IL17RD: variants seen among roughly 807,000 people sequenced by gnomAD.
The protein encoded by IL17RD is interleukin-17 receptor D.
A neutral mutation model predicts 80.5 loss-of-function variants in IL17RD; 52 were observed. The ratio of observed to expected loss-of-function variants is 0.65; its 90% CI spans 0.52 to 0.81. The LOEUF is 0.81. IL17RD is among the 40% of genes least tolerant of loss of function. IL17RD has a pLI of 0.00. For synonymous variants in IL17RD, 416 were observed against 391.8 expected (o/e 1.06, Z -0.73); for missense variants, 1,024 against 955.1 (o/e 1.07, Z -0.95).
At chr3:57,163,445 C>T (rs2060319985) in intron 1 of IL17RD, among the ~76,000 whole-genome samples, 3 of 152,104 alleles carry the variant, frequency 2.0e-5, no homozygotes, top group African/African-American at 7.2e-5. Context: ...CTACCATACC[C>T]CACAGCATGG....
intron 1 of IL17RD, among the ~76,000 whole-genome samples, chr3:57,137,458 G>T (rs1461119380): frequency 6.6e-6 from 1 of 152,198 alleles, no homozygotes; most frequent in Admixed American, 6.5e-5. Context: ...TAGGTGGGGA[G>T]ATGAGGAAGG....
At chr3:57,163,762 AG>A (rs2060323074) in intron 1 of IL17RD, among the ~76,000 whole-genome samples, 1 of 125,226 alleles carries the variant, frequency 8.0e-6, no homozygotes, top group Non-Finnish European at 1.6e-5. Context: ...TCAACTAGGA[AG>A]GAATGACAGA....
At chr3:57,102,385 C>A in intron 10 of IL17RD, 94 bp downstream of exon 10, 1 of 547,832 alleles carries the variant, frequency 1.8e-6, no homozygotes, top group Non-Finnish European at 3.1e-6. Context: ...AGGCGCCATC[C>A]TGGAGGACCC....
intron 1 of IL17RD, chr3:57,142,390 G>T (rs1173643185): frequency 1.7e-6 from 1 of 585,496 alleles, no homozygotes; most frequent in African/African-American, 1.9e-5. Context: ...GAAACAAAGG[G>T]TAGGAGAGAC....
chr3:57,145,933 T>A (rs550833531), intron 1 of IL17RD, among the ~76,000 whole-genome samples: 30 of 152,290 alleles, frequency 2.0e-4, no homozygotes, highest in African/African-American at 7.0e-4. Flanking sequence ...GGATTTTTTT[T>A]AAACTCCAAT....
At chr3:57,140,113 A>G (rs1347871091) in intron 1 of IL17RD, among the ~76,000 whole-genome samples, 1 of 152,216 alleles carries the variant, frequency 6.6e-6, no homozygotes, top group Non-Finnish European at 1.5e-5. Flanking sequence ...GGCTGTGCTC[A>G]GAGCTCACAA....
chr3:57,152,579 A>AC (rs1257020476), intron 1 of IL17RD, among the ~76,000 whole-genome samples: 1 of 152,214 alleles, frequency 6.6e-6, no homozygotes, highest in Admixed American at 6.5e-5. Context: ...TTTCCCTGGT[A>AC]CCCTGTAAGA....
intron 1 of IL17RD, among the ~76,000 whole-genome samples, chr3:57,154,103 G>C (rs1477620626): frequency 6.6e-6 from 1 of 151,730 alleles, no homozygotes; most frequent in Non-Finnish European, 1.5e-5. Context: ...TAAAAAAATA[G>C]CCAAGCTTGG....
chr3:57,110,432 G>A (rs1191420437), intron 3 of IL17RD, 121 bp from the exon 4 acceptor site: 1 of 1,116,560 alleles, frequency 9.0e-7, no homozygotes, highest in Non-Finnish European at 1.3e-6. Flanking sequence ...TCTAACTGTG[G>A]CCAGGGTATC....
chr3:57,135,122 C>T (rs1184464184), intron 1 of IL17RD, among the ~76,000 whole-genome samples: 1 of 146,460 alleles, frequency 6.8e-6, no homozygotes, highest in Non-Finnish European at 1.5e-5. Context: ...CAAACAAAAA[C>T]AAACAAACAA....
chr3:57,103,863 CCCAG>C (rs201771787), intron 8 of IL17RD, among the ~76,000 whole-genome samples: 1,686 of 152,158 alleles, frequency 0.011, 35 homozygotes, highest in African/African-American at 0.038. Context: ...CACCACCACG[CCCAG>C]CTAATTTTTG....
chr3:57,138,939 CAAAAAAAAAAAAA>C (rs1026336884), intron 1 of IL17RD, among the ~76,000 whole-genome samples: 4 of 40,492 alleles, frequency 9.9e-5, no homozygotes, highest in South Asian at 9.1e-4. Context: ...AACTCCATCT[CAAAAAAAAAAAAA>C]AAAAAAAAAA....
In IL17RD at chr3:57,111,570, A is replaced by G. The variant is rs78882789; in HGVS notation, c.311-1259T>C. ...AAAAAACTTTTTAAAACAAATCCTTAGTATTAATACTAAGATTTAATTTAC... is the reference window on the plus strand; with the variant it reads ...AAAAAACTTTTTAAAACAAATCCTTGGTATTAATACTAAGATTTAATTTAC... On this transcript the variant is annotated intron_variant, in intron 3 of 12. Transcript: ENST00000296318. 3.9e-5 allele frequency among the ~76,000 whole-genome samples: 6 copies of G among 152,336 alleles called. No homozygotes were observed. The East Asian group carries it at 1.2e-3, about 29-fold the overall frequency.
intron 10 of IL17RD, 135 bp downstream of exon 10, chr3:57,102,344 G>T: frequency 2.3e-6 from 1 of 428,724 alleles, no homozygotes; most frequent in Non-Finnish European, 4.2e-6. Flanking sequence ...TTAATTCTGG[G>T]AACTGAATAG....
chr3:57,120,047 T>G (rs1416214141), intron 2 of IL17RD, among the ~76,000 whole-genome samples: 1 of 152,220 alleles, frequency 6.6e-6, no homozygotes, highest in East Asian at 1.9e-4. Flanking sequence ...ACAACTTTTC[T>G]GAACACTATG....
At chr3:57,156,925 G>A (rs527670946) in intron 1 of IL17RD, among the ~76,000 whole-genome samples, 2 of 152,190 alleles carry the variant, frequency 1.3e-5, no homozygotes, top group Non-Finnish European at 2.9e-5. Flanking sequence ...AGCCTCCCAC[G>A]AACCATTGAA....
chr3:57,107,833 G>A (rs1311169527), intron 5 of IL17RD, among the ~76,000 whole-genome samples: 3 of 152,078 alleles, frequency 2.0e-5, no homozygotes, highest in South Asian at 2.1e-4. Context: ...GGGATGGTAC[G>A]ACTAAATTCT....
chr3:57,097,882 C>T lies in IL17RD; in HGVS notation c.1821G>A (p.Ala607=), dbSNP rs778091485. ...CTGGTCCGGTTGCCCCAAGAACAGC[C>T]GCCTCTACCTTTAGGCAGAAGTCAC... ...PESDFCLKVE[A]AVLGATGPAD... Residue 607 remains alanine (A), a synonymous_variant, in exon 12 of 13, where the codon GCG becomes GCA. Coordinates refer to ENST00000296318, the MANE Select transcript of IL17RD (RefSeq NM_017563.5). The T allele has an allele frequency of 2.0e-5, 33 of 1,613,934 alleles. No homozygotes were observed. The highest frequency in any genetic ancestry group is 2.6e-5 in the Non-Finnish European group (31 of 1,179,868).
chr3:57,127,359 A>AATAT lies in IL17RD; in HGVS notation c.127-7050_127-7047dup, dbSNP rs372888872. Reference sequence around the variant, plus strand: ...ATAAAAATATATATAAATATATATAAATATAAATATATATATATAAATAAA... The same window carrying AATAT: ...ATAAAAATATATATAAATATATATAAATATATATAAATATATATATATAAATAAA... On this transcript the variant is annotated intron_variant, in intron 1 of 12. Coordinates refer to ENST00000296318, the MANE Select transcript of IL17RD (RefSeq NM_017563.5). Among the ~76,000 whole-genome samples the AATAT allele has an allele frequency of 1.9e-4, 14 of 74,012 alleles. No individual in the cohort carries two copies. In the East Asian group the frequency reaches 3.1e-3, roughly 17 times the overall value. 48.6% of individuals were successfully genotyped at this position (74,012 alleles called of 152,430 possible). A position where few individuals can be genotyped will look rare whatever the true frequency, so the allele number is the denominator to read the frequency against.
Sources: allele counts gnomAD v4.1 joint callset (sites outside exome capture counted in the v4.1 genomes callset), GRCh38; gene constraint gnomAD v4.1.1; transcripts MANE v1.5; gene names NCBI Gene and HGNC (gene_info 2026-07-23, HGNC 2026-07-21).